The following ANK3 variants were observed in gnomAD, a reference collection of about 807,000 sequenced individuals.
ANK3 encodes ankyrin 3.
Under a neutral mutation model 370.9 loss-of-function variants are expected in ANK3, and 57 were observed. The ratio of observed to expected loss-of-function variants is 0.15; its 90% CI spans 0.12 to 0.19. The LOEUF is 0.19. Ranked by LOEUF, ANK3 falls within the 10% of genes least tolerant of loss-of-function variation. The pLI is 1.00. For synonymous variants in ANK3, 1,929 were observed against 1,946.3 expected (o/e 0.99, Z 0.23); for missense variants, 4,439 against 5,302.1 (o/e 0.84, Z 5.06).
At chr10:60,212,007 C>CAGA (rs1221319580) in intron 9 of ANK3, among the ~76,000 whole-genome samples, 2 of 145,302 alleles carry the variant, frequency 1.4e-5, no homozygotes, top group Non-Finnish European at 3.0e-5. Flanking sequence ...AGAAAGGTAA[C>CAGA]AGAAAAAAAT....
intron 8 of ANK3, among the ~76,000 whole-genome samples, chr10:60,221,139 G>A (rs1346990279): frequency 6.7e-6 from 1 of 149,720 alleles, no homozygotes. Context: ...GAGAGCAATA[G>A]TGTGATCTCA....
intron 2 of ANK3, among the ~76,000 whole-genome samples, chr10:60,553,975 T>C (rs1323346950): frequency 6.6e-6 from 1 of 152,224 alleles, no homozygotes; most frequent in Non-Finnish European, 1.5e-5. Context: ...AGTTTCAATA[T>C]ATCAGCATCA....
At chr10:60,507,087 T>C (rs1022225467) in intron 2 of ANK3, among the ~76,000 whole-genome samples, 3 of 152,098 alleles carry the variant, frequency 2.0e-5, no homozygotes, top group Non-Finnish European at 4.4e-5. Context: ...CTAATTACCC[T>C]GATTTTATCA....
intron 2 of ANK3, among the ~76,000 whole-genome samples, chr10:60,500,715 T>C (rs1388540627): frequency 6.6e-6 from 1 of 152,162 alleles, no homozygotes; most frequent in African/African-American, 2.4e-5. Context: ...AATCTGAACC[T>C]CTATCGGTGT....
intron 2 of ANK3, among the ~76,000 whole-genome samples, chr10:60,510,832 T>C (rs1567106241): frequency 1.3e-5 from 2 of 151,584 alleles, no homozygotes; most frequent in Non-Finnish European, 2.9e-5. Context: ...AATAAATAAA[T>C]AAATAAAATA....
chr10:60,401,850 C>T (rs2063357852), intron 2 of ANK3, among the ~76,000 whole-genome samples: 1 of 152,020 alleles, frequency 6.6e-6, no homozygotes, highest in Admixed American at 6.6e-5. Flanking sequence ...CATTAAGTAA[C>T]TTAGGATAAA....
chr10:60,709,081 A>C (rs540963214), intron 1 of ANK3, among the ~76,000 whole-genome samples: 2 of 152,296 alleles, frequency 1.3e-5, no homozygotes, highest in African/African-American at 2.4e-5. Context: ...AAACAAAACA[A>C]CAACAACAAC....
At chr10:60,269,981 C>A (rs1431791955) in intron 5 of ANK3, 150 bp downstream of exon 5, 3 of 433,024 alleles carry the variant, frequency 6.9e-6, no homozygotes, top group Non-Finnish European at 1.2e-5. Flanking sequence ...TAAAAGTAGA[C>A]TTATAGTAAT....
At chr10:60,603,790 A>T (rs1244574516) in intron 2 of ANK3, among the ~76,000 whole-genome samples, 1 of 152,112 alleles carries the variant, frequency 6.6e-6, no homozygotes, top group Non-Finnish European at 1.5e-5. Flanking sequence ...CATCTTTTCC[A>T]CTTTTGGGAC....
At chr10:60,656,069 G>A (rs1055054680) in intron 1 of ANK3, among the ~76,000 whole-genome samples, 3 of 152,136 alleles carry the variant, frequency 2.0e-5, no homozygotes, top group African/African-American at 7.2e-5. Context: ...ATTTCTCAAT[G>A]TGTATCTGTA....
chr10:60,369,509 G>T (rs1007978512), intron 1 of ANK3, among the ~76,000 whole-genome samples: 1 of 152,092 alleles, frequency 6.6e-6, no homozygotes, highest in Non-Finnish European at 1.5e-5. Flanking sequence ...GTCTAAGAAG[G>T]CCTCTTGCCT....
At chr10:60,401,142 C>T (rs1464397127) in intron 2 of ANK3, among the ~76,000 whole-genome samples, 1 of 152,108 alleles carries the variant, frequency 6.6e-6, no homozygotes, top group Admixed American at 6.6e-5. Context: ...AAGACAAATA[C>T]TGCATGATTC....
chr10:60,596,695 A>G (rs1019791220), intron 2 of ANK3, among the ~76,000 whole-genome samples: 8 of 152,210 alleles, frequency 5.3e-5, no homozygotes, highest in African/African-American at 1.9e-4. Context: ...CAAGTAAATT[A>G]CAAGAAGACT....
chr10:60,383,122 C>T (rs981016374), intron 1 of ANK3, among the ~76,000 whole-genome samples: 11 of 151,990 alleles, frequency 7.2e-5, no homozygotes, highest in Admixed American at 1.3e-4. Context: ...GGCCTTGGTT[C>T]CAAGACCAGG....
chr10:60,093,919 T>C (rs1015202957), intron 28 of ANK3, among the ~76,000 whole-genome samples: 1 of 151,964 alleles, frequency 6.6e-6, no homozygotes, highest in Non-Finnish European at 1.5e-5. Flanking sequence ...GTTGTGTTCA[T>C]TTTTTTTCAA....
chr10:60,555,116 G>C (rs1462694324), intron 2 of ANK3, among the ~76,000 whole-genome samples: 1 of 152,092 alleles, frequency 6.6e-6, no homozygotes, highest in Non-Finnish European at 1.5e-5. Context: ...TTTAAAGCAA[G>C]AAATTTTAAG....
chr10:60,145,356 C>A (rs1450240804), intron 23 of ANK3, among the ~76,000 whole-genome samples: 2 of 152,130 alleles, frequency 1.3e-5, no homozygotes, highest in African/African-American at 4.8e-5. Flanking sequence ...GATTAATGAT[C>A]AAACTTGACT....
Position 60,166,360 on chromosome 10 carries a change from C to T in ANK3, c.2614+231G>A, listed in dbSNP as rs80321003. Among the ~76,000 whole-genome samples the T allele has an allele frequency of 3.4e-3, 524 of 152,168 alleles. 3 individuals carry two copies. Among genetic ancestry groups the T allele is most frequent in the African/African-American group, 0.012 (497 of 41,544 alleles). On this transcript the variant is annotated intron_variant, in intron 23 of 43. Coordinates refer to ENST00000280772, the MANE Select transcript of ANK3 (RefSeq NM_020987.5). ...GGCAAGTAATCCAGATAATTAGTGACACTTTTATATTTTAAAGTTAGGAAA... is the reference window on the plus strand; with the variant it reads ...GGCAAGTAATCCAGATAATTAGTGATACTTTTATATTTTAAAGTTAGGAAA...
At chr10:60,668,911 G>C (rs1366962148) in intron 1 of ANK3, among the ~76,000 whole-genome samples, 1 of 151,980 alleles carries the variant, frequency 6.6e-6, no homozygotes, top group East Asian at 1.9e-4. Context: ...GAGAATCGCT[G>C]GAACCCAGGA....
Sources: allele counts gnomAD v4.1 joint callset (sites outside exome capture counted in the v4.1 genomes callset), GRCh38; gene constraint gnomAD v4.1.1; transcripts MANE v1.5; gene names NCBI Gene and HGNC (gene_info 2026-07-23, HGNC 2026-07-21).